Variants in ASAP1 observed in about 807,000 individuals in gnomAD.
ASAP1 encodes the protein arf-GAP with SH3 domain, ANK repeat and PH domain-containing protein 1.
Under a neutral mutation model 145.2 loss-of-function variants are expected in ASAP1, and 43 were observed. That is an observed-to-expected ratio of 0.30 (90% CI 0.23 to 0.38). The LOEUF is 0.38. Among genes scored for constraint, ASAP1 ranks in the 10% least tolerant of loss-of-function variants. ASAP1 has a pLI of 1.00. For synonymous variants in ASAP1, 546 were observed against 515.5 expected (o/e 1.06, Z -0.80); for missense variants, 1,018 against 1,355.3 (o/e 0.75, Z 3.91).
chr8:130,317,074 G>T (rs1823706921), intron 3 of ASAP1, among the ~76,000 whole-genome samples: 1 of 141,314 alleles, frequency 7.1e-6, no homozygotes. Context: ...TTTGCTTTTA[G>T]TTTCACATCA....
At chr8:130,162,910 G>C (rs958401494) in intron 11 of ASAP1, 7 of 152,134 alleles carry the variant, frequency 4.6e-5, no homozygotes, top group African/African-American at 1.7e-4. Context: ...TACGGAACTA[G>C]ACTTCTCTTC....
chr8:130,371,640 A>C (rs1827217902), intron 2 of ASAP1, among the ~76,000 whole-genome samples: 1 of 152,206 alleles, frequency 6.6e-6, no homozygotes, highest in Admixed American at 6.5e-5. Flanking sequence ...TTCTTATTGC[A>C]TCTTGCTGCC....
chr8:130,363,905 G>C (rs1826828697), intron 2 of ASAP1, among the ~76,000 whole-genome samples: 1 of 152,190 alleles, frequency 6.6e-6, no homozygotes, highest in South Asian at 2.1e-4. Context: ...GTGGAGGAAA[G>C]GAAAGTGCTG....
At chr8:130,251,268 A>C (rs1050000494) in intron 3 of ASAP1, among the ~76,000 whole-genome samples, 1 of 152,118 alleles carries the variant, frequency 6.6e-6, no homozygotes, top group African/African-American at 2.4e-5. Flanking sequence ...AAATACAAAA[A>C]TTAGCCCGAT....
intron 1 of ASAP1, among the ~76,000 whole-genome samples, chr8:130,440,868 C>T (rs1414916234): frequency 6.6e-6 from 1 of 152,190 alleles, no homozygotes; most frequent in African/African-American, 2.4e-5. Context: ...CTTGTGCCAC[C>T]AGCCCCTACT....
Position 130,373,649 on chromosome 8 carries a change from G to C in ASAP1, c.60-15506C>G, listed in dbSNP as rs191517006. Among the ~76,000 whole-genome samples, 142 of 152,010 alleles carry C rather than the reference G, an allele frequency of 9.3e-4. 1 individual carries two copies. The highest frequency in any genetic ancestry group is 3.2e-3 in the African/African-American group (133 of 41,446). ...GGATCACCTGAGTTTGGGAGTTTGA[G>C]ACCAGCCTGGCCAACATGGTGAAAC... On this transcript the variant is annotated intron_variant, in intron 2 of 29. Coordinates refer to ENST00000518721, the MANE Select transcript of ASAP1 (RefSeq NM_018482.4).
intron 15 of ASAP1, among the ~76,000 whole-genome samples, chr8:130,132,068 G>T (rs991595890): frequency 1.3e-5 from 2 of 152,210 alleles, no homozygotes; most frequent in Non-Finnish European, 2.9e-5. Context: ...AAATGAGGAA[G>T]AGAGAATGAA....
chr8:130,330,407 G>C (rs1470997447), intron 3 of ASAP1, among the ~76,000 whole-genome samples: 3 of 152,220 alleles, frequency 2.0e-5, no homozygotes, highest in African/African-American at 7.2e-5. Flanking sequence ...AGAGCAATCT[G>C]AATTATCACA....
chr8:130,428,376 T>G (rs1229342314), intron 1 of ASAP1, among the ~76,000 whole-genome samples: 1 of 142,088 alleles, frequency 7.0e-6, no homozygotes, highest in African/African-American at 2.8e-5. Flanking sequence ...GTGGCCACCT[T>G]CTGGGTGAGT....
In ASAP1 at chr8:130,057,943, T is replaced by G. The variant is rs747691541; in HGVS notation, c.3315+11A>C. 1.2e-6 allele frequency: 2 copies of G among 1,613,650 alleles called. No individual in the cohort carries two copies. Among genetic ancestry groups the G allele is most frequent in the African/African-American group, 2.7e-5 (2 of 74,926 alleles). On this transcript the variant is annotated intron_variant, in intron 29 of 29. Transcript: ENST00000518721. ...AATGTACGGATGAAGTGGATGGATA[T>G]TCGTACGTACCCACCACTCCTGGTC...
At chr8:130,071,011 GGAGAGAGAGA>G (rs1230151527) in intron 27 of ASAP1, among the ~76,000 whole-genome samples, 27 of 11,438 alleles carry the variant, frequency 2.4e-3, no homozygotes, top group Non-Finnish European at 3.0e-3. Context: ...GGGGAGGGGG[GGAGAGAGAGA>G]GAGAGAGAGA....
intron 12 of ASAP1, among the ~76,000 whole-genome samples, chr8:130,159,067 G>A (rs894361782): frequency 6.6e-6 from 1 of 152,038 alleles, no homozygotes; most frequent in African/African-American, 2.4e-5. Flanking sequence ...TCTAATTGCT[G>A]TGTGAAGGTG....
chr8:130,175,089 C>T (rs1813860537), intron 9 of ASAP1, among the ~76,000 whole-genome samples: 1 of 152,322 alleles, frequency 6.6e-6, no homozygotes, highest in South Asian at 2.1e-4. Flanking sequence ...CACATCCTCA[C>T]CAAGACTTTT....
At chr8:130,354,753 A>G (rs763401217) in intron 3 of ASAP1, among the ~76,000 whole-genome samples, 9 of 152,276 alleles carry the variant, frequency 5.9e-5, no homozygotes, top group Non-Finnish European at 1.0e-4. Flanking sequence ...GCAGAACACC[A>G]GCTCATCCAT....
rs577001001 is a variant in ASAP1, at chr8:130,149,913, A to C, written c.1080+2823T>G. On this transcript the variant is annotated intron_variant, in intron 13 of 29. Coordinates refer to ENST00000518721, the MANE Select transcript of ASAP1 (RefSeq NM_018482.4). ...GAACAGAATAGCACAAATTAGCAGG[A>C]GGGAATCAGAAGTTAGGAGAGTAAG... Among the ~76,000 whole-genome samples, 55 of 152,344 alleles carry C rather than the reference A, an allele frequency of 3.6e-4. 6 individuals carry two copies. Among genetic ancestry groups the C allele is most frequent in the South Asian group, 1.0e-3 (5 of 4,830 alleles).
rs982168492 is a variant in ASAP1 at position 130,203,593 on chromosome 8, C to T, written c.405+10963G>A. Reference sequence around the variant, plus strand: ...TCAAGACAGAACATTTAATCTGAATCGGCTAGGAAGAGTGGGAGATCCAGA... The same window carrying T: ...TCAAGACAGAACATTTAATCTGAATTGGCTAGGAAGAGTGGGAGATCCAGA... On this transcript the variant is annotated intron_variant, in intron 5 of 29. Coordinates refer to ENST00000518721, the MANE Select transcript of ASAP1 (RefSeq NM_018482.4). 3.9e-5 allele frequency among the ~76,000 whole-genome samples: 6 copies of T among 152,096 alleles called. No homozygotes were observed. The South Asian group carries it at 6.2e-4, about 16-fold the overall frequency.
intron 5 of ASAP1, among the ~76,000 whole-genome samples, chr8:130,193,628 T>C (rs1425836742): frequency 6.6e-6 from 1 of 152,198 alleles, no homozygotes; most frequent in Non-Finnish European, 1.5e-5. Context: ...TTTCAACTCT[T>C]TGTTCCAAAT....
intron 4 of ASAP1, among the ~76,000 whole-genome samples, chr8:130,225,877 T>C (rs2136545904): frequency 6.6e-6 from 1 of 152,230 alleles, no homozygotes; most frequent in Non-Finnish European, 1.5e-5. Context: ...GCTAGGTAGA[T>C]TAAGATTTTG....
rs1554860171 is a variant in ASAP1, at chr8:130,256,751, A to ATATATATATATATATATATATCCT, written c.187-19758_187-19757insAGGATATATATATATATATATATA. Among the ~76,000 whole-genome samples, 3 of 40,790 alleles carry ATATATATATATATATATATATCCT rather than the reference A, an allele frequency of 7.4e-5. No homozygotes were observed. The East Asian group carries it at 2.5e-3, about 33-fold the overall frequency. The allele number at this position is 40,790 out of a possible 152,430, so 26.8% of individuals were successfully genotyped here. ...AATATACACATTCTTATATATATAT[A>ATATATATATATATATATATATCCT]TATATATATATATATATATATATAT... On this transcript the variant is annotated intron_variant, in intron 3 of 29. Coordinates refer to ENST00000518721, the MANE Select transcript of ASAP1 (RefSeq NM_018482.4).
Sources: allele counts gnomAD v4.1 joint callset (sites outside exome capture counted in the v4.1 genomes callset), GRCh38; gene constraint gnomAD v4.1.1; transcripts MANE v1.5; gene names NCBI Gene and HGNC (gene_info 2026-07-23, HGNC 2026-07-21).